LSAMP: variants seen among roughly 807,000 people sequenced by gnomAD.
LSAMP encodes the protein limbic system associated membrane protein.
Under a neutral mutation model 38.6 loss-of-function variants are expected in LSAMP, and 7 were observed. The ratio of observed to expected loss-of-function variants is 0.18; its 90% CI spans 0.10 to 0.34. The LOEUF (loss-of-function observed/expected upper bound fraction) is 0.34, where lower values mean the gene tolerates loss of function less well. Among genes scored for constraint, LSAMP ranks in the 10% least tolerant of loss-of-function variants. The pLI, the probability that LSAMP is intolerant of heterozygous loss-of-function variation, is 1.00. For missense variants in LSAMP, 313 were observed against 420.0 expected, an observed-to-expected ratio of 0.75 and a Z score of 2.23; for synonymous variants, 154 against 166.8, an observed-to-expected ratio of 0.92 and a Z score of 0.59.
At chr3:115,968,138 A>G (rs1339595387) in intron 3 of LSAMP, among the ~76,000 whole-genome samples, 1 of 152,002 alleles carries the variant, frequency 6.6e-6, no homozygotes, top group African/African-American at 2.4e-5. Context: ...ACCATCCAAG[A>G]GCCATGTCCT....
intron 1 of LSAMP, among the ~76,000 whole-genome samples, chr3:116,340,678 T>A (rs2047980597): frequency 2.6e-5 from 4 of 152,046 alleles, no homozygotes; most frequent in Admixed American, 2.6e-4. Flanking sequence ...ATGGCTTCTA[T>A]CTACATATAA....
chr3:116,125,170 T>G (rs1301216046), intron 1 of LSAMP, among the ~76,000 whole-genome samples: 1 of 152,180 alleles, frequency 6.6e-6, no homozygotes, highest in Non-Finnish European at 1.5e-5. Context: ...AGTGACAAAT[T>G]CATTTTCATA....
At chr3:116,145,877 G>A (rs1709479299) in intron 1 of LSAMP, among the ~76,000 whole-genome samples, 1 of 151,574 alleles carries the variant, frequency 6.6e-6, no homozygotes. Context: ...TTTTTTAATT[G>A]TATTGACTAC....
intron 1 of LSAMP, among the ~76,000 whole-genome samples, chr3:116,326,484 C>T (rs1453740425): frequency 6.6e-6 from 1 of 152,032 alleles, no homozygotes; most frequent in Non-Finnish European, 1.5e-5. Flanking sequence ...CCCACAATGA[C>T]ACTAGAGTGC....
At chr3:115,814,881 C>G (rs1241970131) in intron 6 of LSAMP, among the ~76,000 whole-genome samples, 2 of 152,164 alleles carry the variant, frequency 1.3e-5, no homozygotes, top group Non-Finnish European at 2.9e-5. Context: ...ATCTGCCTCC[C>G]GTAGCATCTA....
At chr3:116,177,414 A>T (rs1294601138) in intron 1 of LSAMP, among the ~76,000 whole-genome samples, 1 of 152,090 alleles carries the variant, frequency 6.6e-6, no homozygotes, top group Non-Finnish European at 1.5e-5. Context: ...TGAATACTCT[A>T]CATAAGAAAT....
At chr3:115,940,988 A>G (rs1255325682) in intron 3 of LSAMP, among the ~76,000 whole-genome samples, 1 of 152,200 alleles carries the variant, frequency 6.6e-6, no homozygotes, top group Non-Finnish European at 1.5e-5. Flanking sequence ...AACAAGATAA[A>G]TAGGCAACCT....
intron 3 of LSAMP, among the ~76,000 whole-genome samples, chr3:115,909,537 T>C (rs1937089334): frequency 6.6e-6 from 1 of 152,210 alleles, no homozygotes; most frequent in Admixed American, 6.5e-5. Context: ...CCAATCCCCG[T>C]CCAGTACATC....
chr3:116,283,826 C>G (rs1392687361), intron 1 of LSAMP, among the ~76,000 whole-genome samples: 1 of 151,866 alleles, frequency 6.6e-6, no homozygotes, highest in Non-Finnish European at 1.5e-5. Context: ...GGAAACATGG[C>G]AAAACCCCAT....
chr3:116,061,871 GT>G (rs1941600735), intron 2 of LSAMP, among the ~76,000 whole-genome samples: 1 of 152,086 alleles, frequency 6.6e-6, no homozygotes, highest in South Asian at 2.1e-4. Flanking sequence ...AGGCAGCAAG[GT>G]ATAAGTAGAA....
chr3:115,802,903 C>G lies in LSAMP; in HGVS notation c.*7414G>C, dbSNP rs988698157. On this transcript the variant is annotated 3_prime_UTR_variant, in exon 7 of 7. Coordinates refer to ENST00000490035, the MANE Select transcript of LSAMP (RefSeq NM_002338.5). ...ATTTCTTCCCTTTAACCTCCCTACT[C>G]CAAGTAAATACTTAGGGAGCAGAAC... 4 of 151,984 alleles carry G rather than the reference C, an allele frequency of 2.6e-5. No homozygotes were observed. The highest frequency in any genetic ancestry group is 9.7e-5 in the African/African-American group (4 of 41,358). The allele number at this position is 151,984 out of a possible 1,614,324, so 9.4% of individuals were successfully genotyped here. A position where few individuals can be genotyped will look rare whatever the true frequency, so the allele number is the denominator to read the frequency against.
chr3:116,229,283 C>T (rs1475335000), intron 1 of LSAMP, among the ~76,000 whole-genome samples: 2 of 152,036 alleles, frequency 1.3e-5, no homozygotes, highest in Non-Finnish European at 2.9e-5. Flanking sequence ...ATCTAGAAGT[C>T]ATAATATATT....
chr3:116,263,553 AG>A (rs1345892558), intron 1 of LSAMP, among the ~76,000 whole-genome samples: 4 of 151,330 alleles, frequency 2.6e-5, no homozygotes, highest in Non-Finnish European at 5.9e-5. Flanking sequence ...AAAAAAAAAA[AG>A]ATGAATATTT....
At position 115,823,333 on chromosome 3, in the gene LSAMP, C is replaced by T. The variant is rs1025998896; in HGVS notation, c.920-12919G>A. On this transcript the variant is annotated intron_variant, in intron 6 of 6. Coordinates refer to ENST00000490035, the MANE Select transcript of LSAMP (RefSeq NM_002338.5). ...CCCTGGCCCAGGTAGGAGGGCAGCT[C>T]CTGGGCCTGCCTCTGCTATAACCTT... Among the ~76,000 whole-genome samples, 35 of 152,196 alleles carry T rather than the reference C, an allele frequency of 2.3e-4. 1 individual carries two copies. The highest frequency in any genetic ancestry group is 2.0e-3 in the Admixed American group (31 of 15,278).
At chr3:116,119,278 A>C (rs920245470) in intron 1 of LSAMP, among the ~76,000 whole-genome samples, 1 of 151,894 alleles carries the variant, frequency 6.6e-6, no homozygotes, top group African/African-American at 2.4e-5. Flanking sequence ...TTCTTCTTCC[A>C]GTGGCAACTA....
intron 2 of LSAMP, among the ~76,000 whole-genome samples, chr3:116,078,779 T>C (rs1231723285): frequency 6.6e-6 from 1 of 152,240 alleles, no homozygotes; most frequent in East Asian, 1.9e-4. Context: ...TCGTCATTTT[T>C]TTGAGTACAT....
At chr3:116,116,310 C>A (rs56340548) in intron 1 of LSAMP, among the ~76,000 whole-genome samples, 18 of 151,664 alleles carry the variant, frequency 1.2e-4, no homozygotes, top group Non-Finnish European at 2.5e-4. Flanking sequence ...TCTTTTTCTG[C>A]AAGTTGTCAT....
intron 3 of LSAMP, among the ~76,000 whole-genome samples, chr3:115,928,973 G>GGT (rs747099546): frequency 1.8e-4 from 20 of 109,926 alleles, no homozygotes; most frequent in Non-Finnish European, 5.3e-5. Context: ...TTTTTTGTTT[G>GGT]TTTTTTTTTT....
At chr3:116,202,755 C>T (rs976935656) in intron 1 of LSAMP, among the ~76,000 whole-genome samples, 1 of 152,084 alleles carries the variant, frequency 6.6e-6, no homozygotes, top group Non-Finnish European at 1.5e-5. Context: ...TAAATATATT[C>T]AACACTAGTT....
Sources: gnomAD v4.1 joint callset for allele counts (sites outside exome capture counted in the v4.1 genomes callset) on GRCh38, gnomAD v4.1.1 for gene constraint, MANE v1.5 for transcripts, NCBI Gene and HGNC (gene_info 2026-07-23, HGNC 2026-07-21) for gene names.